The following BBS4 variants were observed in gnomAD, a reference collection of about 807,000 sequenced individuals.
BBS4 encodes the protein Bardet-Biedl syndrome 4, also known as BBSome complex member BBS4.
In BBS4, 58 loss-of-function variants were observed where a neutral mutation model predicts 71.4. That is an observed-to-expected ratio of 0.81 (90% confidence interval 0.66 to 1.01). The LOEUF (loss-of-function observed/expected upper bound fraction) is 1.01, where lower values mean the gene tolerates loss of function less well. Among genes scored for constraint, BBS4 ranks in the 50% least tolerant of loss-of-function variants. BBS4 has a pLI of 0.00. For missense variants in BBS4, 660 were observed against 607.9 expected (o/e 1.09, Z -0.90); for synonymous variants, 228 against 216.8 (o/e 1.05, Z -0.46).
chr15:72,707,456 G>A (rs2065285467), intron 2 of BBS4, among the ~76,000 whole-genome samples: 1 of 152,038 alleles, frequency 6.6e-6, no homozygotes, highest in South Asian at 2.1e-4. Flanking sequence ...TGGGATTATA[G>A]GCATGAGCCA....
intron 15 of BBS4, chr15:72,737,230 T>C (rs960391445): frequency 4.7e-5 from 29 of 613,804 alleles, no homozygotes; most frequent in Admixed American, 5.8e-5. Context: ...ATTAAGTATA[T>C]CCTGTTATGC....
At chr15:72,694,774 G>C (rs2065045309) in intron 1 of BBS4, among the ~76,000 whole-genome samples, 1 of 152,142 alleles carries the variant, frequency 6.6e-6, no homozygotes, top group Non-Finnish European at 1.5e-5. Flanking sequence ...GTGCTAGACA[G>C]TTTCTGTGTA....
At chr15:72,689,766 G>A (rs1315722460) in intron 1 of BBS4, among the ~76,000 whole-genome samples, 2 of 150,382 alleles carry the variant, frequency 1.3e-5, no homozygotes, top group Non-Finnish European at 3.0e-5. Flanking sequence ...TTCATGATTT[G>A]TGCTTATAAA....
chr15:72,709,668 T>G, intron 2 of BBS4, 32 bp from the exon 3 acceptor site: 1 of 1,476,848 alleles, frequency 6.8e-7, no homozygotes, highest in Non-Finnish European at 9.5e-7. Flanking sequence ...CTAATGACTG[T>G]GTTGTTTGTT....
chr15:72,713,347 A>ACACACACACACG (rs1210370695), intron 4 of BBS4, among the ~76,000 whole-genome samples: 2 of 118,764 alleles, frequency 1.7e-5, no homozygotes, highest in East Asian at 1.5e-3. Flanking sequence ...ACACACACAC[A>ACACACACACACG]CACGCACACG....
intron 2 of BBS4, among the ~76,000 whole-genome samples, chr15:72,707,056 A>G (rs2065275965): frequency 6.6e-6 from 1 of 151,182 alleles, no homozygotes; most frequent in Admixed American, 6.6e-5. Context: ...CTGTCATATT[A>G]TGGACATAGA....
At chr15:72,720,195 A>G (rs1424246061) in intron 6 of BBS4, among the ~76,000 whole-genome samples, 1 of 151,974 alleles carries the variant, frequency 6.6e-6, no homozygotes, top group African/African-American at 2.4e-5. Flanking sequence ...AGAAAACCTT[A>G]TAGTAGCTGG....
intron 2 of BBS4, among the ~76,000 whole-genome samples, chr15:72,695,957 T>G (rs928363671): frequency 4.6e-5 from 7 of 152,226 alleles, no homozygotes; most frequent in Non-Finnish European, 8.8e-5. Flanking sequence ...ATTCTGCTCT[T>G]GTAGGATGTA....
intron 6 of BBS4, among the ~76,000 whole-genome samples, chr15:72,719,528 T>G (rs943693115): frequency 3.3e-5 from 5 of 151,930 alleles, no homozygotes; most frequent in Non-Finnish European, 7.4e-5. Context: ...ATTACAGGTG[T>G]GAGCCATCAA....
rs2151055229 is a variant in BBS4 at position 72,735,968 on chromosome 15, T to C, written c.1248+2T>C. 1 of 1,614,020 alleles carries C rather than the reference T, an allele frequency of 6.2e-7. No homozygotes were observed. Among genetic ancestry groups the C allele is most frequent in the South Asian group, 1.1e-5 (1 of 91,070 alleles). On this transcript the variant is annotated splice_donor_variant, in intron 14 of 15. Transcript: ENST00000268057. LOFTEE classifies it high-confidence loss of function. The stretch of plus-strand genomic sequence containing the variant: ...AGCTCTCTGGAATTTGACTCTGAGG[T>C]ATGTCTTTTATTAGCTCCCAAGAGT...
rs41277724 is a variant in BBS4 at position 72,738,198 on chromosome 15, C to T, written c.*611C>T. 2,641 of 451,370 alleles carry T rather than the reference C, an allele frequency of 5.9e-3. 19 individuals carry two copies. Among genetic ancestry groups the T allele is most frequent in the Non-Finnish European group, 8.0e-3 (1,801 of 225,870 alleles). 28.0% of individuals were successfully genotyped at this position (451,370 alleles called of 1,614,324 possible). On this transcript the variant is annotated 3_prime_UTR_variant, in exon 16 of 16. Transcript: ENST00000268057. ...AACAAGTCCCTCCCTGTATTTTGTT[C>T]TTGAGAGGGGTCAGTCTAGAAGCTA...
chr15:72,701,878 G>T (rs891908513), intron 2 of BBS4, among the ~76,000 whole-genome samples: 1 of 151,794 alleles, frequency 6.6e-6, no homozygotes, highest in Non-Finnish European at 1.5e-5. Context: ...TTGCTCTGTC[G>T]CCAGGCTGGA....
intron 2 of BBS4, among the ~76,000 whole-genome samples, chr15:72,702,461 TAAG>T (rs2065187230): frequency 6.6e-6 from 1 of 152,130 alleles, no homozygotes; most frequent in South Asian, 2.1e-4. Flanking sequence ...CACACACCCT[TAAG>T]AAGGATATAA....
chr15:72,736,826 A>G lies in BBS4; in HGVS notation c.1313A>G (p.Lys438Arg). ...GTTGGGGAGGCACTGGTCTGGACCA[A>G]ACCAGTTAAAGATCCCAAATCAAAG... ...LQVGEALVWTKPVKDPKSKHQ... is the reference protein window; with the variant it reads ...LQVGEALVWTRPVKDPKSKHQ... Residue 438 changes from lysine (K) to arginine (R), a missense_variant, in exon 15 of 16, where the codon AAA (lysine) becomes AGA (arginine). Lys to Arg is a conservative substitution (Grantham distance 26, BLOSUM62 2). Transcript: ENST00000268057. The G allele has an allele frequency of 6.2e-7, 1 of 1,614,192 alleles. No homozygotes were observed. The highest frequency in any genetic ancestry group is 8.5e-7 in the Non-Finnish European group (1 of 1,180,028).
At chr15:72,719,263 A>ATT (rs34214646) in intron 6 of BBS4, among the ~76,000 whole-genome samples, 3,470 of 140,888 alleles carry the variant, frequency 0.025, 68 homozygotes, top group African/African-American at 0.05. Context: ...TACTTTCTAA[A>ATT]TTTTTTTTTT....
intron 2 of BBS4, among the ~76,000 whole-genome samples, chr15:72,700,707 TC>T (rs894215504): frequency 6.6e-6 from 1 of 152,006 alleles, no homozygotes; most frequent in Admixed American, 6.6e-5. Flanking sequence ...GGTAAGTATT[TC>T]CCCCCAGCCT....
intron 8 of BBS4, among the ~76,000 whole-genome samples, chr15:72,724,912 CTT>C (rs2065640072): frequency 2.6e-5 from 4 of 152,032 alleles, no homozygotes; most frequent in African/African-American, 9.7e-5. Context: ...AGGTTTCTTC[CTT>C]ATTAACTCAC....
At chr15:72,727,866 G>A in intron 8 of BBS4, 74 bp from the exon 9 acceptor site, 1 of 1,106,776 alleles carries the variant, frequency 9.0e-7, no homozygotes, top group Middle Eastern at 2.0e-4. Flanking sequence ...ATTGCACGAG[G>A]GCATATTACT....
intron 15 of BBS4, 179 bp downstream of exon 15, chr15:72,737,142 C>T (rs755288743): frequency 4.0e-6 from 3 of 749,388 alleles, no homozygotes; most frequent in South Asian, 1.6e-5. Flanking sequence ...TTAAGGCGAG[C>T]TATGTAGTAG....
Sources: allele counts gnomAD v4.1 joint callset (sites outside exome capture counted in the v4.1 genomes callset), GRCh38; gene constraint gnomAD v4.1.1; transcripts MANE v1.5; gene names NCBI Gene and HGNC (gene_info 2026-07-23, HGNC 2026-07-21).